Variants in KLRG1 observed in about 807,000 individuals in gnomAD.
The protein encoded by KLRG1 is killer cell lectin-like receptor subfamily G member 1.
In KLRG1, 16 loss-of-function variants were observed where a neutral mutation model predicts 21.8. The ratio of observed to expected loss-of-function variants is 0.73; its 90% CI spans 0.50 to 1.11. The LOEUF is 1.11. Ranked by LOEUF, KLRG1 falls within the 50% of genes most tolerant of loss-of-function variation. The pLI, the probability that KLRG1 is intolerant of heterozygous loss-of-function variation, is 0.00. For missense variants in KLRG1, 173 were observed against 218.3 expected (o/e 0.79, Z 1.31); for synonymous variants, 69 against 75.9 (o/e 0.91, Z 0.47).
At chr12:9,157,377 G>A in the KLRG1 span, 1 of 1,600,962 alleles carries the variant, frequency 6.2e-7, no homozygotes, top group South Asian at 1.1e-5. Flanking sequence ...AAATGTGGTT[G>A]TGTCAAACTA....
the KLRG1 span, chr12:9,135,300 C>T: frequency 3.6e-6 from 1 of 280,960 alleles, no homozygotes; most frequent in Non-Finnish European, 7.4e-6. Flanking sequence ...AATGGATCCC[C>T]TGGACAGGCA....
the KLRG1 span, among the ~76,000 whole-genome samples, chr12:9,062,447 CCTGACACAATAGATGGATAATAT>C: frequency 2.2e-4 from 30 of 138,906 alleles, no homozygotes; most frequent in Non-Finnish European, 3.7e-4. Flanking sequence ...TAAAAAATCA[CCTGACACAATAGATGGATAATAT>C]ATCTGATATA....
chr12:9,069,777 T>G, the KLRG1 span: 632 of 1,613,156 alleles, frequency 3.9e-4, 1 homozygote, highest in Non-Finnish European at 5.1e-4. Context: ...TGGTTGCTGC[T>G]GACTTCTGTC....
the KLRG1 span, chr12:9,027,560 GCTA>G: frequency 1.9e-6 from 2 of 1,043,408 alleles, no homozygotes; most frequent in Non-Finnish European, 2.9e-6. Flanking sequence ...AGCTGCTGCT[GCTA>G]CTAGAACCAC....
chr12:9,098,517 A>T, the KLRG1 span: 3 of 1,397,400 alleles, frequency 2.1e-6, no homozygotes, highest in East Asian at 2.6e-5. Context: ...TATAATTTTA[A>T]TTGATCTTAT....
the KLRG1 span, chr12:9,161,207 A>G: frequency 9.0e-7 from 1 of 1,108,670 alleles, no homozygotes; most frequent in Non-Finnish European, 1.3e-6. Context: ...TCAGAGCCAC[A>G]CTCCCTGGAT....
At chr12:9,023,554 CT>C in the KLRG1 span, among the ~76,000 whole-genome samples, 1 of 151,244 alleles carries the variant, frequency 6.6e-6, no homozygotes, top group African/African-American at 2.4e-5. Context: ...TTCTATTTAA[CT>C]TTTTTTTCCT....
the KLRG1 span, among the ~76,000 whole-genome samples, chr12:9,126,521 C>A: frequency 6.6e-6 from 1 of 152,200 alleles, no homozygotes; most frequent in African/African-American, 2.4e-5. Context: ...TGCTGCCCAT[C>A]TGATTTCTAA....
At chr12:9,035,588 A>G in the KLRG1 span, among the ~76,000 whole-genome samples, 4 of 150,896 alleles carry the variant, frequency 2.7e-5, no homozygotes, top group Non-Finnish European at 5.9e-5. Flanking sequence ...TCCAGAACTT[A>G]AAGTAAAAAA....
At chr12:9,180,023 C>T in the KLRG1 span, among the ~76,000 whole-genome samples, 1 of 152,270 alleles carries the variant, frequency 6.6e-6, no homozygotes, top group East Asian at 1.9e-4. Context: ...GAATGTTGGG[C>T]AGATTAAGTG....
At chr12:8,999,278 A>G (rs1487834648) in intron 3 of KLRG1, among the ~76,000 whole-genome samples, 1 of 152,034 alleles carries the variant, frequency 6.6e-6, no homozygotes, top group East Asian at 1.9e-4. Flanking sequence ...GGTTCCTTAT[A>G]GTTATTGGTA....
chr12:9,140,495 T>C, the KLRG1 span, among the ~76,000 whole-genome samples: 1 of 152,202 alleles, frequency 6.6e-6, no homozygotes, highest in African/African-American at 2.4e-5. Context: ...TAACCGTTAT[T>C]AAAAAATAAA....
At chr12:9,123,571 T>G in the KLRG1 span, among the ~76,000 whole-genome samples, 1 of 152,188 alleles carries the variant, frequency 6.6e-6, no homozygotes, top group African/African-American at 2.4e-5. Context: ...GGCACACAAT[T>G]GAAAATTTAT....
the KLRG1 span, chr12:9,165,197 C>G: frequency 6.2e-7 from 1 of 1,614,124 alleles, no homozygotes; most frequent in Non-Finnish European, 8.5e-7. Context: ...GACCTCTCCA[C>G]GAATCACAGA....
chr12:9,211,122 C>T, the KLRG1 span, among the ~76,000 whole-genome samples: 7 of 152,116 alleles, frequency 4.6e-5, no homozygotes, highest in Admixed American at 2.6e-4. Flanking sequence ...TGAGGATTTT[C>T]GTATCCCCAT....
chr12:9,095,800 C>T, the KLRG1 span: 4,041 of 1,015,614 alleles, frequency 4.0e-3, 144 homozygotes, highest in African/African-American at 0.067. Flanking sequence ...TCGCCCAGGC[C>T]GGACCGCGGA....
the KLRG1 span, among the ~76,000 whole-genome samples, chr12:9,056,810 C>T: frequency 7.9e-5 from 12 of 152,262 alleles, no homozygotes; most frequent in African/African-American, 2.9e-4. Context: ...GCCATGGCCT[C>T]CCAAACTGCT....
chr12:8,954,771 C>T (rs775128202), intron 1 of KLRG1, among the ~76,000 whole-genome samples: 2 of 152,100 alleles, frequency 1.3e-5, no homozygotes, highest in East Asian at 3.9e-4. Context: ...CATTTATTCA[C>T]ATATAAGAAA....
At chr12:9,064,153 A>T in the KLRG1 span, 1 of 152,364 alleles carries the variant, frequency 6.6e-6, no homozygotes, top group South Asian at 2.1e-4. The surrounding 1 kb of genome is among the most constrained non-coding windows in gnomAD (Gnocchi z 4.0). Flanking sequence ...CCATGGTTGG[A>T]AGTTAAGAGC....
Sources: allele counts gnomAD v4.1 joint callset (sites outside exome capture counted in the v4.1 genomes callset), GRCh38; gene constraint gnomAD v4.1.1; non-coding constraint Gnocchi (gnomAD v3.1); transcripts MANE v1.5; gene names NCBI Gene and HGNC (gene_info 2026-07-23, HGNC 2026-07-21).